Variants in PTPRR observed in about 807,000 individuals in gnomAD.
PTPRR encodes protein tyrosine phosphatase receptor type R.
In PTPRR, 38 loss-of-function variants were observed where a neutral mutation model predicts 77.2. That is an observed-to-expected ratio of 0.49 (90% CI 0.38 to 0.65). The LOEUF (loss-of-function observed/expected upper bound fraction) is 0.65. Among genes scored for constraint, PTPRR ranks in the 30% least tolerant of loss-of-function variants. The pLI, the probability that PTPRR is intolerant of heterozygous loss-of-function variation, is 0.00. For synonymous variants in PTPRR, 299 were observed against 283.1 expected (o/e 1.06, Z -0.57); for missense variants, 744 against 799.2 (o/e 0.93, Z 0.83).
At chr12:70,680,614 T>A (rs916704917) in intron 10 of PTPRR, among the ~76,000 whole-genome samples, 1 of 152,018 alleles carries the variant, frequency 6.6e-6, no homozygotes, top group Non-Finnish European at 1.5e-5. Flanking sequence ...ATCCACTGGT[T>A]AAGGTGGGGA....
At chr12:70,677,577 C>T (rs1887494438) in intron 10 of PTPRR, among the ~76,000 whole-genome samples, 4 of 152,098 alleles carry the variant, frequency 2.6e-5, no homozygotes, top group African/African-American at 4.8e-5. Flanking sequence ...TGTTGAGGTA[C>T]ATACTTTCTG....
At chr12:70,847,958 G>A (rs570823909) in intron 2 of PTPRR, among the ~76,000 whole-genome samples, 5 of 152,178 alleles carry the variant, frequency 3.3e-5, no homozygotes, top group Non-Finnish European at 7.4e-5. Context: ...TTGCTTTCGG[G>A]GTATCCCCTT....
intron 6 of PTPRR, among the ~76,000 whole-genome samples, chr12:70,725,925 A>T (rs1312717615): frequency 6.6e-6 from 1 of 152,092 alleles, no homozygotes; most frequent in East Asian, 1.9e-4. Flanking sequence ...TCTCTTCGCT[A>T]AGGAGGGACA....
rs542527490 is a variant in PTPRR at position 70,879,147 on chromosome 12, A to G, written c.357+13532T>C. On this transcript the variant is annotated intron_variant, in intron 2 of 13. Transcript: ENST00000283228. ...GGGAAAGCATTGGGAGATATACCCA[A>G]TGTAAATGACTAGTTAATGTGTGCA... Among the ~76,000 whole-genome samples the G allele has an allele frequency of 2.2e-4, 34 of 152,274 alleles. No individual in the cohort carries two copies. In the South Asian group the frequency reaches 2.5e-3, roughly 11 times the overall value.
At chr12:70,916,153 G>T (rs551936169) in intron 1 of PTPRR, among the ~76,000 whole-genome samples, 1 of 152,062 alleles carries the variant, frequency 6.6e-6, no homozygotes, top group Non-Finnish European at 1.5e-5. Context: ...GTGATGGGGG[G>T]AAGGGAAAAT....
intron 2 of PTPRR, among the ~76,000 whole-genome samples, chr12:70,829,164 C>G (rs192805773): frequency 1.3e-5 from 2 of 150,822 alleles, no homozygotes; most frequent in African/African-American, 4.9e-5. Context: ...GTGTCTAGAA[C>G]AGTGGCACAT....
At chr12:70,854,170 A>G (rs1031494860) in intron 2 of PTPRR, among the ~76,000 whole-genome samples, 5 of 152,306 alleles carry the variant, frequency 3.3e-5, no homozygotes, top group Non-Finnish European at 7.3e-5. Flanking sequence ...TTTTCTTTCC[A>G]TGACCACCAA....
chr12:70,715,707 C>T (rs192456277), intron 6 of PTPRR, among the ~76,000 whole-genome samples: 98 of 152,294 alleles, frequency 6.4e-4, no homozygotes, highest in Admixed American at 1.9e-3. Context: ...GGCTCTGCTC[C>T]GCCCGGCTCA....
At chr12:70,779,075 T>C (rs570575205) in intron 2 of PTPRR, among the ~76,000 whole-genome samples, 1 of 152,264 alleles carries the variant, frequency 6.6e-6, no homozygotes, top group South Asian at 2.1e-4. Flanking sequence ...CTTGAACTCC[T>C]GACCTCAGGT....
intron 2 of PTPRR, among the ~76,000 whole-genome samples, chr12:70,849,415 C>T (rs17108901): frequency 0.021 from 3,272 of 152,194 alleles, 112 homozygotes; most frequent in African/African-American, 0.074. Context: ...TAGCTGCTAA[C>T]GTTTTGTCAG....
intron 6 of PTPRR, among the ~76,000 whole-genome samples, chr12:70,743,005 T>C (rs1268912987): frequency 1.3e-5 from 2 of 152,108 alleles, no homozygotes; most frequent in African/African-American, 4.8e-5. Flanking sequence ...AGAGCTGAAA[T>C]ATGGGTCTGG....
At chr12:70,894,152 G>GA (rs1893385823) in intron 1 of PTPRR, among the ~76,000 whole-genome samples, 1 of 151,826 alleles carries the variant, frequency 6.6e-6, no homozygotes, top group African/African-American at 2.4e-5. Flanking sequence ...GCTGTCCTTA[G>GA]AAAATTACTT....
chr12:70,791,708 A>G (rs1027121562), intron 2 of PTPRR, among the ~76,000 whole-genome samples: 7 of 152,222 alleles, frequency 4.6e-5, no homozygotes, highest in African/African-American at 1.7e-4. Flanking sequence ...ATGCAAATAT[A>G]TGTATATGGT....
chr12:70,699,207 T>A (rs1057061791), intron 7 of PTPRR, among the ~76,000 whole-genome samples: 2 of 152,180 alleles, frequency 1.3e-5, no homozygotes, highest in Admixed American at 1.3e-4. Context: ...ACAAAATAAC[T>A]TTTATGTTAT....
chr12:70,657,006 G>A (rs1315434667), intron 12 of PTPRR, among the ~76,000 whole-genome samples, 189 bp from the exon 13 acceptor site: 2 of 150,692 alleles, frequency 1.3e-5, no homozygotes, highest in Non-Finnish European at 2.9e-5. Flanking sequence ...GTAGTAGGAT[G>A]AGAGGGGTGG....
At chr12:70,811,326 G>A (rs75320510) in intron 2 of PTPRR, among the ~76,000 whole-genome samples, 1 of 152,148 alleles carries the variant, frequency 6.6e-6, no homozygotes, top group Non-Finnish European at 1.5e-5. Flanking sequence ...TCTCCCAAAT[G>A]TGAAATTCTT....
chr12:70,832,475 G>GA (rs1374698158), intron 2 of PTPRR, among the ~76,000 whole-genome samples: 1 of 152,198 alleles, frequency 6.6e-6, no homozygotes, highest in Non-Finnish European at 1.5e-5. Context: ...TACATTTGGA[G>GA]AAATTCAAGT....
chr12:70,729,850 A>C (rs1889590275), intron 6 of PTPRR, among the ~76,000 whole-genome samples: 1 of 151,074 alleles, frequency 6.6e-6, no homozygotes, highest in South Asian at 2.1e-4. Flanking sequence ...AAAAAACCTG[A>C]GGAGTCCAAT....
chr12:70,722,407 A>G (rs1201268380), intron 6 of PTPRR, among the ~76,000 whole-genome samples: 6 of 152,156 alleles, frequency 3.9e-5, no homozygotes, highest in Non-Finnish European at 1.5e-5. Context: ...AATTAGACCT[A>G]TATTTTAGTA....
Sources: gnomAD v4.1 joint callset for allele counts (sites outside exome capture counted in the v4.1 genomes callset) on GRCh38, gnomAD v4.1.1 for gene constraint, MANE v1.5 for transcripts, NCBI Gene and HGNC (gene_info 2026-07-23, HGNC 2026-07-21) for gene names.